SDCCAG8: variants seen among roughly 807,000 people sequenced by gnomAD.
The protein encoded by SDCCAG8 is serologically defined colon cancer antigen 8.
In SDCCAG8, 74 loss-of-function variants were observed where a neutral mutation model predicts 101.8. The observed-to-expected ratio is 0.73, with a 90% confidence interval of 0.60 to 0.88. The LOEUF (loss-of-function observed/expected upper bound fraction) is 0.88, where lower values mean the gene tolerates loss of function less well. SDCCAG8 is among the 40% of genes least tolerant of loss of function. SDCCAG8 has a pLI of 0.00. For synonymous variants in SDCCAG8, 281 were observed against 292.9 expected, an observed-to-expected ratio of 0.96 and a Z score of 0.41; for missense variants, 787 against 822.6, an observed-to-expected ratio of 0.96 and a Z score of 0.53.
chr1:243,485,123 G>A (rs557473189), intron 16 of SDCCAG8, among the ~76,000 whole-genome samples: 1 of 152,122 alleles, frequency 6.6e-6, no homozygotes, highest in Non-Finnish European at 1.5e-5. Flanking sequence ...AACTCAGTGA[G>A]TTAACCACCA....
chr1:243,447,263 A>AAC (rs1218877776), intron 16 of SDCCAG8, among the ~76,000 whole-genome samples: 1 of 149,832 alleles, frequency 6.7e-6, no homozygotes, highest in Non-Finnish European at 1.5e-5. Flanking sequence ...AAAAAAAAAA[A>AAC]AAAAAAAAAA....
chr1:243,317,505 G>C (rs910734404), intron 9 of SDCCAG8, among the ~76,000 whole-genome samples: 5 of 152,088 alleles, frequency 3.3e-5, no homozygotes, highest in Admixed American at 2.6e-4. Context: ...ATTTTTAGCA[G>C]AGATGGTGTT....
intron 16 of SDCCAG8, among the ~76,000 whole-genome samples, chr1:243,431,287 A>ATGTGTAGGAAATAGAACCTGGC (rs1416542493): frequency 6.6e-6 from 1 of 152,238 alleles, no homozygotes; most frequent in Non-Finnish European, 1.5e-5. Context: ...TATTGGTGAC[A>ATGTGTAGGAAATAGAACCTGGC]GAAATAAACA....
At chr1:243,293,729 A>C (rs2070504409) in intron 6 of SDCCAG8, among the ~76,000 whole-genome samples, 1 of 152,190 alleles carries the variant, frequency 6.6e-6, no homozygotes, top group Non-Finnish European at 1.5e-5. Flanking sequence ...GTTATGAATA[A>C]TTATGCTGTG....
intron 6 of SDCCAG8, among the ~76,000 whole-genome samples, chr1:243,303,741 T>C (rs915935124): frequency 1.3e-5 from 2 of 152,184 alleles, no homozygotes; most frequent in African/African-American, 4.8e-5. Context: ...TTCTAGTCAA[T>C]AGTAGGCTAT....
chr1:243,378,750 T>C lies in SDCCAG8; in HGVS notation c.1503T>C (p.Asp501=), dbSNP rs757292520. 26 of 1,613,942 alleles carry C rather than the reference T, an allele frequency of 1.6e-5. No homozygotes were observed. The highest frequency in any genetic ancestry group is 3.3e-4 in the Middle Eastern group (2 of 6,082). The change falls in exon 13 of 18, where the codon GAT becomes GAC. Residue 501 remains aspartate, a synonymous_variant. Coordinates refer to ENST00000366541, the MANE Select transcript of SDCCAG8 (RefSeq NM_006642.5). ...QEIEKLRIEL[D]ESKQHLEQEQ... is the part of the protein sequence containing the mutation. ...TAGAGAAATTGAGAATAGAACTGGA[T>C]GAAAGCAAACAACACTTGGAACAGG...
At chr1:243,290,787 C>A (rs2070175251) in intron 5 of SDCCAG8, among the ~76,000 whole-genome samples, 1 of 152,142 alleles carries the variant, frequency 6.6e-6, no homozygotes, top group South Asian at 2.1e-4. Flanking sequence ...TTCTGGAAAA[C>A]CTTCCTTGGA....
In SDCCAG8 at chr1:243,344,274, A is replaced by G; in HGVS notation, c.1416A>G (p.Glu472=). ...CCAACATGGAGAAGGATGAGGCAGA[A>G]AAGGAGCACAGAGAGTTCAGAGCAA... ...NKTNMEKDEA[E]KEHREFRAKT... Residue 472 remains glutamate (E), a synonymous_variant, in exon 12 of 18, where the codon GAA becomes GAG. Coordinates refer to ENST00000366541, the MANE Select transcript of SDCCAG8 (RefSeq NM_006642.5). The G allele has an allele frequency of 6.2e-7, 1 of 1,614,072 alleles. No individual in the cohort carries two copies. The highest frequency in any genetic ancestry group is 2.2e-5 in the East Asian group (1 of 44,860).
intron 13 of SDCCAG8, among the ~76,000 whole-genome samples, chr1:243,391,567 C>CCAAG (rs1315728182): frequency 6.6e-6 from 1 of 152,200 alleles, no homozygotes; most frequent in Non-Finnish European, 1.5e-5. Flanking sequence ...CCTGCCTTGA[C>CCAAG]CAAGCCATGG....
intron 1 of SDCCAG8, among the ~76,000 whole-genome samples, chr1:243,265,446 T>C (rs1245028055): frequency 2.0e-5 from 3 of 152,210 alleles, no homozygotes; most frequent in Non-Finnish European, 4.4e-5. Flanking sequence ...CAATTTAACA[T>C]GTAGTCTTTG....
At chr1:243,432,089 T>C (rs1250345932) in intron 16 of SDCCAG8, among the ~76,000 whole-genome samples, 1 of 152,222 alleles carries the variant, frequency 6.6e-6, no homozygotes, top group Non-Finnish European at 1.5e-5. Context: ...AAAATACAAA[T>C]TATAATATTG....
intron 12 of SDCCAG8, among the ~76,000 whole-genome samples, chr1:243,357,052 A>G (rs2076424319): frequency 1.3e-5 from 2 of 152,004 alleles, no homozygotes; most frequent in African/African-American, 4.8e-5. Context: ...TTTTCAGAAG[A>G]TGCTTCTTAC....
chr1:243,390,035 CATCTT>C (rs1419529133), intron 13 of SDCCAG8, among the ~76,000 whole-genome samples: 2 of 152,170 alleles, frequency 1.3e-5, no homozygotes, highest in African/African-American at 2.4e-5. Context: ...GGGGGGAACT[CATCTT>C]AAGATAACAA....
chr1:243,341,536 G>A (rs888028045), intron 11 of SDCCAG8, among the ~76,000 whole-genome samples: 1 of 152,146 alleles, frequency 6.6e-6, no homozygotes, highest in East Asian at 1.9e-4. Context: ...TGTTTTTGCC[G>A]TAGATAGCAT....
In SDCCAG8 at chr1:243,271,072, C is replaced by G; in HGVS notation, c.306+9C>G. The G allele has an allele frequency of 6.4e-7, 1 of 1,567,692 alleles. No homozygotes were observed. The highest frequency in any genetic ancestry group is 8.8e-7 in the Non-Finnish European group (1 of 1,137,800). On this transcript the variant is annotated intron_variant, in intron 3 of 17. Coordinates refer to ENST00000366541, the MANE Select transcript of SDCCAG8 (RefSeq NM_006642.5). ...GAAAAATGTCCCCCTTGGTAAGTAT[C>G]AACTTTTCCAAGTTGACAAAGCATT... is the stretch of plus-strand genomic sequence containing the variant.
chr1:243,461,029 C>T (rs919687820), intron 16 of SDCCAG8, among the ~76,000 whole-genome samples: 2 of 152,180 alleles, frequency 1.3e-5, no homozygotes, highest in Non-Finnish European at 2.9e-5. Context: ...GGCTGCCTTA[C>T]GGGTACACAT....
intron 13 of SDCCAG8, among the ~76,000 whole-genome samples, chr1:243,397,464 G>GA (rs1208744594): frequency 6.6e-6 from 1 of 152,076 alleles, no homozygotes; most frequent in Admixed American, 6.5e-5. Flanking sequence ...GCTAGGAAAA[G>GA]AAAAAAATTT....
At chr1:243,365,295 T>C (rs1435829330) in intron 12 of SDCCAG8, among the ~76,000 whole-genome samples, 1 of 152,200 alleles carries the variant, frequency 6.6e-6, no homozygotes, top group Non-Finnish European at 1.5e-5. Flanking sequence ...TGAAACAAAA[T>C]ATTTTATCTT....
intron 10 of SDCCAG8, among the ~76,000 whole-genome samples, chr1:243,335,146 T>C (rs2074910163): frequency 6.6e-6 from 1 of 152,194 alleles, no homozygotes; most frequent in African/African-American, 2.4e-5. Flanking sequence ...TGGGAAGTTA[T>C]GGCTAAAATG....
Sources: allele counts gnomAD v4.1 joint callset (sites outside exome capture counted in the v4.1 genomes callset), GRCh38; gene constraint gnomAD v4.1.1; transcripts MANE v1.5; gene names NCBI Gene and HGNC (gene_info 2026-07-23, HGNC 2026-07-21).